The following INPP4B variants were observed in gnomAD, a reference collection of about 807,000 sequenced individuals.
INPP4B encodes the protein inositol polyphosphate-4-phosphatase type II B.
INPP4B carries 55 observed loss-of-function variants against 122.5 expected under a neutral mutation model. The ratio of observed to expected loss-of-function variants is 0.45; its 90% CI spans 0.36 to 0.56. The LOEUF (loss-of-function observed/expected upper bound fraction) is 0.56. Among genes scored for constraint, INPP4B ranks in the 20% least tolerant of loss-of-function variants. The probability of loss-of-function intolerance (pLI) is 0.00; values close to 1 mark genes in which losing one functional copy is unlikely to be tolerated. For missense variants in INPP4B, 1,000 were observed against 1,097.7 expected, an observed-to-expected ratio of 0.91 and a Z score of 1.26; for synonymous variants, 403 against 388.7, an observed-to-expected ratio of 1.04 and a Z score of -0.43.
At chr4:142,177,681 A>G (rs1828947925) in intron 15 of INPP4B, among the ~76,000 whole-genome samples, 1 of 152,090 alleles carries the variant, frequency 6.6e-6, no homozygotes, top group African/African-American at 2.4e-5. Flanking sequence ...ATTTAATATT[A>G]TTTTCATAAG....
chr4:142,359,384 T>C (rs780106886), intron 7 of INPP4B, among the ~76,000 whole-genome samples: 2 of 151,986 alleles, frequency 1.3e-5, no homozygotes, highest in Non-Finnish European at 2.9e-5. Flanking sequence ...CCTCATGTTG[T>C]TGTCACAAAG....
At chr4:142,795,399 G>C (rs1777095088) in intron 1 of INPP4B, 1 of 151,866 alleles carries the variant, frequency 6.6e-6, no homozygotes, top group African/African-American at 2.4e-5. Context: ...CTGAGTGGTG[G>C]GTGTGTCAGA....
chr4:142,743,271 A>G (rs916223556), intron 1 of INPP4B, among the ~76,000 whole-genome samples: 1 of 152,012 alleles, frequency 6.6e-6, no homozygotes, highest in East Asian at 1.9e-4. Flanking sequence ...TCAGCAAAGC[A>G]AGTTGGAATC....
intron 10 of INPP4B, among the ~76,000 whole-genome samples, chr4:142,269,118 A>T (rs1205747559): frequency 6.6e-5 from 10 of 152,162 alleles, no homozygotes; most frequent in African/African-American, 2.4e-4. Context: ...CCCTCTGCCC[A>T]CCCTGAGCCA....
chr4:142,639,176 C>A (rs1360734414), intron 2 of INPP4B, among the ~76,000 whole-genome samples: 2 of 151,990 alleles, frequency 1.3e-5, no homozygotes, highest in Non-Finnish European at 2.9e-5. Context: ...GATTTGATTT[C>A]TTAGTATTTT....
intron 11 of INPP4B, among the ~76,000 whole-genome samples, chr4:142,245,580 T>C (rs1315486653): frequency 2.0e-5 from 3 of 152,074 alleles, no homozygotes; most frequent in African/African-American, 7.2e-5. Context: ...GGTTTTTGTA[T>C]CAGGATGATG....
At chr4:142,146,868 G>A (rs1334986754) in intron 17 of INPP4B, among the ~76,000 whole-genome samples, 5 of 152,102 alleles carry the variant, frequency 3.3e-5, no homozygotes, top group Non-Finnish European at 7.4e-5. Context: ...TACCACTAAC[G>A]GGCCTCTTTG....
intron 7 of INPP4B, among the ~76,000 whole-genome samples, chr4:142,365,263 A>C (rs1326535613): frequency 6.6e-6 from 1 of 152,188 alleles, no homozygotes; most frequent in African/African-American, 2.4e-5. Context: ...CTTGTAAAAA[A>C]TAAAAGCATT....
intron 9 of INPP4B, among the ~76,000 whole-genome samples, chr4:142,284,392 G>A (rs1186257350): frequency 1.3e-5 from 2 of 152,098 alleles, no homozygotes; most frequent in African/African-American, 4.8e-5. Flanking sequence ...GACAGAAGAC[G>A]AGTTGACTTT....
At chr4:142,315,374 CA>C (rs1397470472) in intron 7 of INPP4B, among the ~76,000 whole-genome samples, 2 of 151,996 alleles carry the variant, frequency 1.3e-5, no homozygotes, top group African/African-American at 4.8e-5. Context: ...AAGTAATTCT[CA>C]ATTGTGGGAG....
intron 8 of INPP4B, among the ~76,000 whole-genome samples, chr4:142,308,933 C>T (rs1473722369): frequency 2.6e-5 from 4 of 152,112 alleles, no homozygotes; most frequent in Non-Finnish European, 5.9e-5. Flanking sequence ...GGCCCCCAGG[C>T]TCACCATCTA....
chr4:142,492,365 G>A (rs952483200), intron 2 of INPP4B, among the ~76,000 whole-genome samples: 4 of 152,134 alleles, frequency 2.6e-5, no homozygotes, highest in African/African-American at 4.8e-5. Flanking sequence ...ACAGGCAGAG[G>A]TTGAAACCTT....
chr4:142,323,042 C>T (rs532087721), intron 7 of INPP4B, among the ~76,000 whole-genome samples: 2 of 152,216 alleles, frequency 1.3e-5, no homozygotes, highest in South Asian at 4.2e-4. Context: ...ACACATTGTG[C>T]CATGTTCAAG....
At chr4:142,730,418 T>C (rs1020647160) in intron 1 of INPP4B, among the ~76,000 whole-genome samples, 2 of 152,228 alleles carry the variant, frequency 1.3e-5, no homozygotes, top group Admixed American at 6.5e-5. Flanking sequence ...TTTTACATTG[T>C]TCTTCAATAT....
intron 18 of INPP4B, among the ~76,000 whole-genome samples, chr4:142,130,179 G>A (rs1411310084): frequency 6.6e-6 from 1 of 152,192 alleles, no homozygotes; most frequent in Admixed American, 6.5e-5. Flanking sequence ...AGTGCCCAGG[G>A]AAGTCTGCCT....
chr4:142,211,714 CTA>C (rs1213511929), intron 12 of INPP4B, among the ~76,000 whole-genome samples: 1 of 152,202 alleles, frequency 6.6e-6, no homozygotes, highest in Non-Finnish European at 1.5e-5. Context: ...TTGCCATACT[CTA>C]TGTTTCATCG....
At chr4:142,282,332 G>A (rs1751572518) in intron 9 of INPP4B, among the ~76,000 whole-genome samples, 1 of 152,154 alleles carries the variant, frequency 6.6e-6, no homozygotes, top group Admixed American at 6.6e-5. Flanking sequence ...TGTGGCTAAA[G>A]CTAGATAGGT....
At chr4:142,144,400 A>C (rs559889159) in intron 18 of INPP4B, among the ~76,000 whole-genome samples, 1 of 152,048 alleles carries the variant, frequency 6.6e-6, no homozygotes, top group South Asian at 2.1e-4. Flanking sequence ...GAAAAAATCT[A>C]TCAATGGACA....
chr4:142,561,698 C>T (rs537052088), intron 2 of INPP4B, among the ~76,000 whole-genome samples: 21 of 152,130 alleles, frequency 1.4e-4, no homozygotes, highest in Admixed American at 8.5e-4. Context: ...GGATTACAGG[C>T]GTGAGCCACC....
Sources: allele counts gnomAD v4.1 joint callset (sites outside exome capture counted in the v4.1 genomes callset), GRCh38; gene constraint gnomAD v4.1.1; transcripts MANE v1.5; gene names NCBI Gene and HGNC (gene_info 2026-07-23, HGNC 2026-07-21).